Variants in CPT1B observed in about 807,000 individuals in gnomAD.
CPT1B encodes the protein carnitine O-palmitoyltransferase 1, muscle isoform.
CPT1B carries 57 observed loss-of-function variants against 92.7 expected under a neutral mutation model. The ratio of observed to expected loss-of-function variants is 0.62; its 90% CI spans 0.50 to 0.77. CPT1B has a LOEUF of 0.77. CPT1B is among the 30% of genes least tolerant of loss of function. The pLI, the probability that CPT1B is intolerant of heterozygous loss-of-function variation, is 0.00. For synonymous variants in CPT1B, 398 were observed against 383.5 expected, an observed-to-expected ratio of 1.04 and a Z score of -0.44; for missense variants, 983 against 1,017.4, an observed-to-expected ratio of 0.97 and a Z score of 0.46.
At position 50,573,460 on chromosome 22, in the gene CPT1B, T is replaced by C; in HGVS notation, c.1166+60A>G. ...TCCAGGGTGGCAGGCAGGGCCACGC[T>C]CCTCTCCTCACGGAGCCCTGAACTC... On this transcript the variant is annotated intron_variant, in intron 10 of 19. Transcript: ENST00000312108. This position sits in a 1 kb window ranked among gnomAD's most constrained non-coding sequence, Gnocchi z 5.0. 6.8e-7 allele frequency: 1 copy of C among 1,464,430 alleles called. No homozygotes were observed. Among genetic ancestry groups the C allele is most frequent in the Non-Finnish European group, 9.2e-7 (1 of 1,081,688 alleles). The allele number at this position is 1,464,430 out of a possible 1,614,324, so 90.7% of individuals were successfully genotyped here.
In CPT1B at chr22:50,569,583, G is replaced by A. The variant is rs1036046557; in HGVS notation, c.2228C>T (p.Ser743Leu). 36 of 1,613,818 alleles carry A rather than the reference G, an allele frequency of 2.2e-5. No homozygotes were observed. Among genetic ancestry groups the A allele is most frequent in the Non-Finnish European group, 3.1e-5 (36 of 1,179,946 alleles). The part of the protein sequence containing the change: ...FFHISSKFSS[S>L]ETNAQRFGNH... ...CTGTGGCAGGAGACTCACCGTCTCTGAGCTTGAGAACTTGCTGGAGATGTG... is the reference window on the plus strand; with the variant it reads ...CTGTGGCAGGAGACTCACCGTCTCTAAGCTTGAGAACTTGCTGGAGATGTG... Residue 743 changes from serine (S) to leucine (L), a missense_variant, in exon 18 of 20, where the codon TCA becomes TTA. Ser to Leu is a moderately radical substitution (Grantham distance 145). Transcript: ENST00000312108.
chr22:50,569,126 G>GAAA (rs372720822), intron 19 of CPT1B, 45 bp from the exon 20 acceptor site: 4 of 445,238 alleles, frequency 9.0e-6, no homozygotes, highest in Non-Finnish European at 1.6e-5. Context: ...TATCTATCAA[G>GAAA]AAAAAAAAAA....
At chr22:50,574,622 G>A (rs766653657) in intron 7 of CPT1B, 22 bp from the exon 8 acceptor site, 15 of 1,603,520 alleles carry the variant, frequency 9.4e-6, no homozygotes, top group Middle Eastern at 1.7e-4. Flanking sequence ...CAGAGCCCGC[G>A]GGGTGGGGGC....
intron 7 of CPT1B, 26 bp from the exon 8 acceptor site, chr22:50,574,626 T>A: frequency 1.3e-6 from 2 of 1,597,186 alleles, no homozygotes; most frequent in Non-Finnish European, 1.7e-6. Context: ...GCCCGCGGGG[T>A]GGGGGCCTCT....
intron 16 of CPT1B, 131 bp downstream of exon 16, chr22:50,570,760 G>A (rs2070126723): frequency 1.6e-6 from 2 of 1,263,770 alleles, no homozygotes; most frequent in African/African-American, 3.0e-5. Flanking sequence ...GGGCGGGAAA[G>A]CTGGCCCAGC....
At chr22:50,571,669 G>A in intron 13 of CPT1B, 130 bp from the exon 14 acceptor site, 1 of 1,045,922 alleles carries the variant, frequency 9.6e-7, no homozygotes, top group Non-Finnish European at 1.4e-6. Context: ...CAGGAGGAGG[G>A]TACGCAAAAG....
intron 11 of CPT1B, among the ~76,000 whole-genome samples, 158 bp from the exon 12 acceptor site, chr22:50,572,466 A>C (rs2070225420): frequency 1.3e-5 from 2 of 152,066 alleles, no homozygotes; most frequent in Admixed American, 1.3e-4. Flanking sequence ...TCTGTTGCCC[A>C]GGCTGGAGTG....
At chr22:50,572,454 G>A in intron 11 of CPT1B, 146 bp from the exon 12 acceptor site, 2 of 628,118 alleles carry the variant, frequency 3.2e-6, no homozygotes, top group Non-Finnish European at 5.6e-6. Context: ...ATGGAATCTT[G>A]CTCTGTTGCC....
In CPT1B at chr22:50,572,215, C is replaced by T; in HGVS notation, c.1446G>A (p.Gly482=). 2 of 1,613,054 alleles carry T rather than the reference C, an allele frequency of 1.2e-6. No homozygotes were observed. Among genetic ancestry groups the T allele is most frequent in the Non-Finnish European group, 1.7e-6 (2 of 1,179,088 alleles). Residue 482 remains glycine, a synonymous_variant, in exon 12 of 20, where the codon GGG becomes GGA. Transcript: ENST00000312108. ...EHAWADAPII[G]HLWEFVLGTD... is the part of the protein sequence containing the mutation. Reference sequence around the variant, plus strand: ...GCAAGGCTATTACCTCCCAGAGGTGCCCAATGATGGGAGCATCTGCCCACG... The same window carrying T: ...GCAAGGCTATTACCTCCCAGAGGTGTCCAATGATGGGAGCATCTGCCCACG...
intron 17 of CPT1B, 59 bp from the exon 18 acceptor site, chr22:50,569,727 A>T: frequency 7.2e-7 from 1 of 1,384,010 alleles, no homozygotes; most frequent in Non-Finnish European, 1.0e-6. Context: ...TCTGAAAGCC[A>T]AGCTGATATT....
chr22:50,570,884 T>C lies in CPT1B; in HGVS notation c.2028+7A>G. ...GGACAAAGGACACACCCAACAACGG[T>C]GCTGACCTCAGCAAGGAAAGGAGAG... On this transcript the variant is annotated splice_region_variant and intron_variant, in intron 16 of 19. Coordinates refer to ENST00000312108, the MANE Select transcript of CPT1B (RefSeq NM_152246.3). 6.2e-7 allele frequency: 1 copy of C among 1,612,980 alleles called. No individual in the cohort carries two copies. The highest frequency in any genetic ancestry group is 1.1e-5 in the South Asian group (1 of 91,072).
At chr22:50,577,177 C>T in intron 3 of CPT1B, 143 bp from the exon 4 acceptor site, 1 of 1,381,064 alleles carries the variant, frequency 7.2e-7, no homozygotes, top group Non-Finnish European at 1.0e-6. Flanking sequence ...GGATGTAGGG[C>T]TAAGACAATG....
At position 50,573,824 on chromosome 22, in the gene CPT1B, TCTGCCTGGGCCTTC is replaced by T; in HGVS notation, c.971-123_971-110del. 9.8e-7 allele frequency: 1 copy of T among 1,016,182 alleles called. No individual in the cohort carries two copies. Among genetic ancestry groups the T allele is most frequent in the Non-Finnish European group, 1.5e-6 (1 of 659,230 alleles). 62.9% of individuals were successfully genotyped at this position (1,016,182 alleles called of 1,614,324 possible). ...CCTGCAGACCCTGTTTTGCTCGGCC[TCTGCCTGGGCCTTC>T]CTGCCCCCTGGATGGGATCCGTGTG... is the stretch of plus-strand genomic sequence containing the variant. On this transcript the variant is annotated intron_variant, in intron 9 of 19. Coordinates refer to ENST00000312108, the MANE Select transcript of CPT1B (RefSeq NM_152246.3). This position sits in a 1 kb window ranked among gnomAD's most constrained non-coding sequence, Gnocchi z 5.0.
intron 2 of CPT1B, 128 bp from the exon 3 acceptor site, chr22:50,577,591 T>C (rs1603443569): frequency 3.5e-6 from 5 of 1,426,150 alleles, no homozygotes; most frequent in Non-Finnish European, 4.7e-6. Context: ...CTGTGCTCCT[T>C]CCTCCGCCAC....
intron 2 of CPT1B, 76 bp from the exon 3 acceptor site, chr22:50,577,539 C>A: frequency 6.4e-7 from 1 of 1,571,650 alleles, no homozygotes; most frequent in South Asian, 1.2e-5. Context: ...TGGGAACTGG[C>A]TCCTGGTCTT....
At chr22:50,575,309 C>G (rs984489537) in intron 7 of CPT1B, among the ~76,000 whole-genome samples, 1 of 152,164 alleles carries the variant, frequency 6.6e-6, no homozygotes, top group African/African-American at 2.4e-5. Flanking sequence ...GCACCCGGCC[C>G]GAGCTGCCTT....
chr22:50,573,356 G>A lies in CPT1B; in HGVS notation c.1166+164C>T, dbSNP rs370880592. 2.6e-5 allele frequency among the ~76,000 whole-genome samples: 4 copies of A among 152,128 alleles called. No homozygotes were observed. The highest frequency in any genetic ancestry group is 2.9e-5 in the Non-Finnish European group (2 of 68,004). ...TGCACACTTCACCTGGCTGCCACCC[G>A]TCAGAGGTAGGTTATGCTGGCTGTC... On this transcript the variant is annotated intron_variant, in intron 10 of 19. Coordinates refer to ENST00000312108, the MANE Select transcript of CPT1B (RefSeq NM_152246.3). This position sits in a 1 kb window ranked among gnomAD's most constrained non-coding sequence, Gnocchi z 5.0.
At chr22:50,570,438 A>T (rs758214076) in intron 16 of CPT1B, 32 bp from the exon 17 acceptor site, 14 of 1,505,054 alleles carry the variant, frequency 9.3e-6, no homozygotes, top group Non-Finnish European at 1.3e-5. Flanking sequence ...GTCAGAGGCC[A>T]CATACCCAAA....
chr22:50,577,702 G>T, intron 2 of CPT1B, 73 bp downstream of exon 2: 1 of 1,580,694 alleles, frequency 6.3e-7, no homozygotes. Context: ...GAGGCAGTGA[G>T]GGACCCTAAC....
Sources: allele counts gnomAD v4.1 joint callset (sites outside exome capture counted in the v4.1 genomes callset), GRCh38; gene constraint gnomAD v4.1.1; non-coding constraint Gnocchi (gnomAD v3.1); transcripts MANE v1.5; gene names NCBI Gene and HGNC (gene_info 2026-07-23, HGNC 2026-07-21).